Variants in DAB1 observed in about 807,000 individuals in gnomAD.
DAB1 encodes DAB adaptor protein 1.
In DAB1, 15 loss-of-function variants were observed where a neutral mutation model predicts 64.6. The ratio of observed to expected loss-of-function variants is 0.23; its 90% CI spans 0.16 to 0.36. The LOEUF (loss-of-function observed/expected upper bound fraction) is 0.36, where lower values mean the gene tolerates loss of function less well. Among genes scored for constraint, DAB1 ranks in the 10% least tolerant of loss-of-function variants. The pLI, the probability that DAB1 is intolerant of heterozygous loss-of-function variation, is 1.00. For synonymous variants in DAB1, 235 were observed against 251.9 expected (o/e 0.93, Z 0.64); for missense variants, 596 against 706.7 (o/e 0.84, Z 1.78).
intron 5 of DAB1, among the ~76,000 whole-genome samples, chr1:58,018,440 C>T (rs568234628): frequency 8.8e-4 from 134 of 152,240 alleles, no homozygotes; most frequent in African/African-American, 3.0e-3. Flanking sequence ...CCTTTGGCTC[C>T]CTCTCCATGC....
chr1:57,210,444 C>T (rs1249996655), intron 2 of DAB1, among the ~76,000 whole-genome samples: 1 of 152,064 alleles, frequency 6.6e-6, no homozygotes, highest in African/African-American at 2.4e-5. Context: ...GTAAAGACAG[C>T]AGGGGCCTAC....
intron 4 of DAB1, among the ~76,000 whole-genome samples, chr1:58,222,957 T>A (rs532801437): frequency 2.6e-4 from 39 of 152,302 alleles, no homozygotes; most frequent in African/African-American, 8.2e-4. Context: ...AGGCATCTGT[T>A]CCTTGCAGAT....
upstream of DAB1, among the ~76,000 whole-genome samples, chr1:57,424,436 G>A (rs930494442): frequency 1.1e-4 from 16 of 152,032 alleles, no homozygotes; most frequent in Middle Eastern, 3.4e-3. Flanking sequence ...GGGGAGAGAC[G>A]AGCCGAGAGC....
intron 5 of DAB1, among the ~76,000 whole-genome samples, chr1:58,125,946 C>T (rs935754514): frequency 1.3e-5 from 2 of 151,994 alleles, no homozygotes; most frequent in Non-Finnish European, 2.9e-5. Context: ...CTATGACAGG[C>T]CCCAGGAGGA....
At chr1:58,402,851 A>G (rs1200136395) in intron 3 of DAB1, among the ~76,000 whole-genome samples, 1 of 152,238 alleles carries the variant, frequency 6.6e-6, no homozygotes, top group South Asian at 2.1e-4. Flanking sequence ...TATGGTTGCC[A>G]TAAGTCAAAT....
intron 7 of DAB1, among the ~76,000 whole-genome samples, chr1:57,589,600 T>C (rs1315775280): frequency 2.0e-5 from 3 of 151,858 alleles, no homozygotes; most frequent in African/African-American, 7.3e-5. Context: ...CTACTAAAAA[T>C]ACAGAAATTA....
Position 57,070,980 on chromosome 1 carries a change from A to C in DAB1, c.597+43T>G, listed in dbSNP as rs747874746. ...GACAAAATGGCTCTGGCACAGGTCT[A>C]GTCACTCTTGAATCTAAAACCCCGA... On this transcript the variant is annotated intron_variant, in intron 7 of 14. Coordinates refer to ENST00000371236, the MANE Select transcript of DAB1 (RefSeq NM_001365792.1). The C allele has an allele frequency of 9.7e-6, 15 of 1,538,468 alleles. No individual in the cohort carries two copies. The Admixed American group carries it at 2.5e-4, about 26-fold the overall frequency.
chr1:58,450,535 A>T (rs1645122374), intron 3 of DAB1, among the ~76,000 whole-genome samples: 1 of 152,186 alleles, frequency 6.6e-6, no homozygotes, highest in Non-Finnish European at 1.5e-5. Flanking sequence ...CGGGCGGATC[A>T]CAAGGTCAGG....
At chr1:58,304,785 C>G (rs553888830) in intron 4 of DAB1, among the ~76,000 whole-genome samples, 3 of 152,220 alleles carry the variant, frequency 2.0e-5, no homozygotes, top group South Asian at 4.1e-4. Context: ...TCTCACTGTT[C>G]CCTGGGGGAT....
At chr1:57,166,345 AAAG>A (rs973121890) in intron 2 of DAB1, among the ~76,000 whole-genome samples, 11 of 152,222 alleles carry the variant, frequency 7.2e-5, no homozygotes, top group Admixed American at 5.2e-4. Context: ...GAAAAACAAA[AAAG>A]AAGAAGAAAA....
intron 7 of DAB1, among the ~76,000 whole-genome samples, chr1:57,522,884 T>G (rs1644545667): frequency 6.6e-6 from 1 of 152,196 alleles, no homozygotes; most frequent in Non-Finnish European, 1.5e-5. Flanking sequence ...TGCTGGAGGT[T>G]TCTTGCCCTT....
intron 7 of DAB1, among the ~76,000 whole-genome samples, chr1:57,543,578 G>A (rs754889962): frequency 6.6e-6 from 1 of 152,068 alleles, no homozygotes; most frequent in Non-Finnish European, 1.5e-5. Context: ...ATGTAAAATA[G>A]AGTAAAAACA....
intron 4 of DAB1, among the ~76,000 whole-genome samples, chr1:58,237,659 C>T (rs1660104951): frequency 6.6e-6 from 1 of 152,192 alleles, no homozygotes. Flanking sequence ...TTCTCTCACA[C>T]TGTCACTGAA....
intron 6 of DAB1, among the ~76,000 whole-genome samples, chr1:57,690,419 G>T (rs1646750598): frequency 6.6e-6 from 1 of 152,060 alleles, no homozygotes; most frequent in Admixed American, 6.6e-5. Context: ...ATGAGGTCTG[G>T]TTGTTTAAAA....
At chr1:57,075,472 G>A (rs1379246532) in intron 4 of DAB1, among the ~76,000 whole-genome samples, 2 of 152,154 alleles carry the variant, frequency 1.3e-5, no homozygotes, top group Admixed American at 6.5e-5. Context: ...TCGGAAATAA[G>A]AGTCAGTGAG....
At chr1:58,515,144 T>C (rs546630543) in intron 2 of DAB1, among the ~76,000 whole-genome samples, 1 of 152,346 alleles carries the variant, frequency 6.6e-6, no homozygotes, top group African/African-American at 2.4e-5. Flanking sequence ...AAGCTCATTT[T>C]ATTTTGTAAC....
intron 4 of DAB1, among the ~76,000 whole-genome samples, chr1:58,224,511 A>G (rs555241101): frequency 3.3e-5 from 5 of 152,292 alleles, no homozygotes; most frequent in African/African-American, 1.2e-4. Context: ...TATTGTAAGC[A>G]TTGAGAAAAT....
intron 5 of DAB1, among the ~76,000 whole-genome samples, chr1:57,937,945 C>T (rs1330106281): frequency 1.3e-5 from 2 of 152,220 alleles, no homozygotes; most frequent in Non-Finnish European, 2.9e-5. Context: ...TCCTTGGGCC[C>T]TGTGCATGAT....
intron 6 of DAB1, among the ~76,000 whole-genome samples, chr1:57,651,934 A>C (rs1242603049): frequency 6.6e-6 from 1 of 152,186 alleles, no homozygotes; most frequent in Non-Finnish European, 1.5e-5. Flanking sequence ...TTTAGTCTTC[A>C]AGCTGCCCTT....
Sources: gnomAD v4.1 joint callset for allele counts (sites outside exome capture counted in the v4.1 genomes callset) on GRCh38, gnomAD v4.1.1 for gene constraint, MANE v1.5 for transcripts, NCBI Gene and HGNC (gene_info 2026-07-23, HGNC 2026-07-21) for gene names.